RRM2B: variants seen among roughly 807,000 people sequenced by gnomAD.
The protein encoded by RRM2B is ribonucleotide reductase regulatory TP53 inducible subunit M2B, also known as ribonucleoside-diphosphate reductase subunit M2 B.
In RRM2B, 20 loss-of-function variants were observed where a neutral mutation model predicts 45.9. The observed-to-expected ratio is 0.44, with a 90% CI of 0.31 to 0.63. The LOEUF (loss-of-function observed/expected upper bound fraction) is 0.63, where lower values mean the gene tolerates loss of function less well. Ranked by LOEUF, RRM2B falls within the 30% of genes least tolerant of loss-of-function variation. The probability of loss-of-function intolerance (pLI) is 0.09; values close to 1 mark genes in which losing one functional copy is unlikely to be tolerated. For missense variants in RRM2B, 320 were observed against 414.7 expected (o/e 0.77, Z 1.98); for synonymous variants, 124 against 132.3 (o/e 0.94, Z 0.43).
intron 2 of RRM2B, among the ~76,000 whole-genome samples, chr8:102,230,147 G>C (rs1056573000): frequency 1.3e-5 from 2 of 152,052 alleles, no homozygotes; most frequent in Non-Finnish European, 2.9e-5. Flanking sequence ...CCAGACTTTT[G>C]TCTTTTGATC....
chr8:102,236,051 A>G (rs191863616), intron 1 of RRM2B, among the ~76,000 whole-genome samples: 1 of 152,326 alleles, frequency 6.6e-6, no homozygotes, highest in East Asian at 1.9e-4. Flanking sequence ...CAGATGAAAG[A>G]AGAGAAGCCA....
intron 8 of RRM2B, among the ~76,000 whole-genome samples, chr8:102,211,718 G>A (rs1810639106): frequency 1.3e-5 from 2 of 152,274 alleles, no homozygotes; most frequent in East Asian, 1.9e-4. Flanking sequence ...TAGTTTATAA[G>A]TTTAAGAGAT....
Position 102,238,932 on chromosome 8 carries a change from C to T in RRM2B, c.-58G>A, listed in dbSNP as rs1194597289. On this transcript the variant is annotated 5_prime_UTR_variant, in exon 1 of 9. Coordinates refer to ENST00000251810, the MANE Select transcript of RRM2B (RefSeq NM_015713.5). ...GGGAACTGAGCTCCTCAGGCCACCT[C>T]CAACTACGACAGCACCCAGGTGGTC... 39 of 1,574,088 alleles carry T rather than the reference C, an allele frequency of 2.5e-5. No homozygotes were observed. Among genetic ancestry groups the T allele is most frequent in the Admixed American group, 8.4e-5 (5 of 59,512 alleles).
chr8:102,238,509 G>C, intron 1 of RRM2B: 1 of 1,410,448 alleles, frequency 7.1e-7, no homozygotes. Flanking sequence ...CCAAAACAGG[G>C]AAGGAGGGTG....
chr8:102,221,238 A>C (rs1470950599), intron 5 of RRM2B, among the ~76,000 whole-genome samples: 1 of 152,216 alleles, frequency 6.6e-6, no homozygotes, highest in Admixed American at 6.5e-5. Flanking sequence ...TTTTTAAAGA[A>C]ATATTCTTAG....
chr8:102,233,567 G>A (rs976986719), intron 1 of RRM2B, among the ~76,000 whole-genome samples: 2 of 152,030 alleles, frequency 1.3e-5, no homozygotes, highest in Non-Finnish European at 2.9e-5. Flanking sequence ...TTTAACATAG[G>A]ACCACAATAC....
At chr8:102,220,216 C>T (rs962397662) in intron 5 of RRM2B, among the ~76,000 whole-genome samples, 6 of 152,010 alleles carry the variant, frequency 3.9e-5, no homozygotes, top group African/African-American at 1.5e-4. Flanking sequence ...TCCAGCTGGG[C>T]GACAGAGTGA....
chr8:102,227,761 G>A lies in RRM2B; in HGVS notation c.205-1727C>T, dbSNP rs527805430. ...GGATGTCAGCATGGTTGGGTTATTG[G>A]TGAAGGCCCTCTTACTGATTTACAG... On this transcript the variant is annotated intron_variant, in intron 2 of 8. Transcript: ENST00000251810. Among the ~76,000 whole-genome samples, 170 of 152,244 alleles carry A rather than the reference G, an allele frequency of 1.1e-3. 1 individual carries two copies. The highest frequency in any genetic ancestry group is 3.8e-3 in the African/African-American group (158 of 41,550).
intron 5 of RRM2B, among the ~76,000 whole-genome samples, chr8:102,219,556 T>C (rs1330289498): frequency 6.6e-6 from 1 of 152,168 alleles, no homozygotes; most frequent in Admixed American, 6.5e-5. Flanking sequence ...AAATGGCCAA[T>C]TTTAAAGGTT....
intron 6 of RRM2B, among the ~76,000 whole-genome samples, chr8:102,215,045 T>TAAAAAAAAAAAAAAAAA (rs3063793): frequency 3.2e-5 from 2 of 61,778 alleles, no homozygotes; most frequent in Non-Finnish European, 6.0e-5. Context: ...AGCTAAATAT[T>TAAAAAAAAAAAAAAAAA]AAAAAAAAAA....
chr8:102,223,971 G>T, intron 5 of RRM2B, 75 bp downstream of exon 5: 2 of 1,014,274 alleles, frequency 2.0e-6, no homozygotes, highest in South Asian at 1.3e-5. Context: ...GATTCGTACT[G>T]GATAGTCACA....
At chr8:102,215,848 G>A (rs1666735828) in intron 6 of RRM2B, among the ~76,000 whole-genome samples, 1 of 151,042 alleles carries the variant, frequency 6.6e-6, no homozygotes, top group South Asian at 2.1e-4. Context: ...AGGAGGCTGA[G>A]GTGGGAGGAC....
chr8:102,228,944 C>T (rs1030609110), intron 2 of RRM2B, among the ~76,000 whole-genome samples: 1 of 152,272 alleles, frequency 6.6e-6, no homozygotes, highest in Middle Eastern at 3.4e-3. Flanking sequence ...TTGTCTTTTG[C>T]CTTTCTTTTA....
At chr8:102,219,103 C>T (rs13249865) in intron 5 of RRM2B, 156 bp from the exon 6 acceptor site, 6 of 742,616 alleles carry the variant, frequency 8.1e-6, no homozygotes, top group Admixed American at 5.0e-5. Flanking sequence ...GGAGAAAATG[C>T]GCCACCTCTA....
chr8:102,215,045 T>TAAAAAAAAAAAAAA (rs3063793), intron 6 of RRM2B, among the ~76,000 whole-genome samples: 24 of 61,764 alleles, frequency 3.9e-4, no homozygotes, highest in East Asian at 9.5e-4. Flanking sequence ...AGCTAAATAT[T>TAAAAAAAAAAAAAA]AAAAAAAAAA....
At chr8:102,221,515 C>CT (rs1216238482) in intron 5 of RRM2B, among the ~76,000 whole-genome samples, 1 of 152,144 alleles carries the variant, frequency 6.6e-6, no homozygotes, top group African/African-American at 2.4e-5. Flanking sequence ...ATGTTACTGT[C>CT]TTTTAGCTCC....
Position 102,238,960 on chromosome 8 carries a change from C to A in RRM2B, c.-86G>T. 6.3e-6 allele frequency: 9 copies of A among 1,434,372 alleles called. No homozygotes were observed. The highest frequency in any genetic ancestry group is 8.7e-6 in the Non-Finnish European group (9 of 1,038,554). 88.9% of individuals were successfully genotyped at this position (1,434,372 alleles called of 1,614,324 possible). A position where few individuals can be genotyped will look rare whatever the true frequency, so the allele number is the denominator to read the frequency against. On this transcript the variant is annotated 5_prime_UTR_variant, in exon 1 of 9. Transcript: ENST00000251810. ...ACTACGACAGCACCCAGGTGGTCCG[C>A]TGGTCCGCTGGGTCCGCCCCGCCCC...
At chr8:102,215,045 T>TAAAAAATA (rs1810703089) in intron 6 of RRM2B, among the ~76,000 whole-genome samples, 1 of 61,778 alleles carries the variant, frequency 1.6e-5, no homozygotes, top group East Asian at 4.7e-4. Flanking sequence ...AGCTAAATAT[T>TAAAAAATA]AAAAAAAAAA....
intron 2 of RRM2B, among the ~76,000 whole-genome samples, chr8:102,228,841 C>T (rs1015392704): frequency 7.2e-5 from 11 of 152,228 alleles, no homozygotes; most frequent in African/African-American, 2.7e-4. Flanking sequence ...ACGAAGGGAT[C>T]GGAGAAACTA....
Sources: gnomAD v4.1 joint callset for allele counts (sites outside exome capture counted in the v4.1 genomes callset) on GRCh38, gnomAD v4.1.1 for gene constraint, MANE v1.5 for transcripts, NCBI Gene and HGNC (gene_info 2026-07-23, HGNC 2026-07-21) for gene names.